The following DTNB variants were observed in gnomAD, a reference collection of about 807,000 sequenced individuals.
The protein encoded by DTNB is DTN-B.
Under a neutral mutation model 90.7 loss-of-function variants are expected in DTNB, and 63 were observed. That is an observed-to-expected ratio of 0.69 (90% confidence interval 0.57 to 0.86). DTNB has a LOEUF of 0.86. Ranked by LOEUF, DTNB falls within the 40% of genes least tolerant of loss-of-function variation. The pLI is 0.00. For synonymous variants in DTNB, 277 were observed against 286.7 expected, an observed-to-expected ratio of 0.97 and a Z score of 0.34; for missense variants, 744 against 807.1, an observed-to-expected ratio of 0.92 and a Z score of 0.95.
chr2:25,511,680 T>C (rs1394239198), intron 9 of DTNB, among the ~76,000 whole-genome samples: 1 of 152,172 alleles, frequency 6.6e-6, no homozygotes, highest in Non-Finnish European at 1.5e-5. Flanking sequence ...TCATACAGTA[T>C]CAGTTTTAGA....
At chr2:25,635,488 T>G (rs867382353) in intron 3 of DTNB, among the ~76,000 whole-genome samples, 23 of 152,264 alleles carry the variant, frequency 1.5e-4, no homozygotes, top group Admixed American at 3.9e-4. Context: ...GCAACATCTC[T>G]ACAAAGAAAT....
At chr2:25,382,193 C>T (rs13420219) in intron 19 of DTNB, among the ~76,000 whole-genome samples, 2,512 of 152,334 alleles carry the variant, frequency 0.016, 72 homozygotes, top group African/African-American at 0.058. Context: ...CTACCTTCAC[C>T]TCCTTGGGGT....
chr2:25,420,938 A>G (rs906310685), intron 15 of DTNB, among the ~76,000 whole-genome samples: 4 of 152,168 alleles, frequency 2.6e-5, no homozygotes, highest in African/African-American at 4.8e-5. Flanking sequence ...TTTGCTACTC[A>G]TCTACTCTGT....
chr2:25,494,908 GAA>G (rs755779063), intron 9 of DTNB, among the ~76,000 whole-genome samples: 2 of 134,534 alleles, frequency 1.5e-5, no homozygotes, highest in Non-Finnish European at 1.6e-5. Context: ...ACTGTTGCCA[GAA>G]AAAAAAAAAA....
intron 8 of DTNB, among the ~76,000 whole-genome samples, chr2:25,532,032 A>C (rs2078306641): frequency 6.6e-6 from 1 of 152,178 alleles, no homozygotes. Context: ...GGATCACCTG[A>C]GGTTGGGAGT....
At chr2:25,478,956 A>G (rs575298317) in intron 10 of DTNB, among the ~76,000 whole-genome samples, 62 of 152,350 alleles carry the variant, frequency 4.1e-4, no homozygotes, top group African/African-American at 1.4e-3. Context: ...AGCTCGGAGA[A>G]GGAGGGCCGC....
intron 16 of DTNB, among the ~76,000 whole-genome samples, chr2:25,397,959 TAAAC>T (rs1308758122): frequency 6.6e-6 from 1 of 151,222 alleles, no homozygotes; most frequent in East Asian, 2.0e-4. Flanking sequence ...CAGCCAGCAT[TAAAC>T]ATATGGCGAG....
At chr2:25,624,657 G>C (rs1410240460) in intron 4 of DTNB, among the ~76,000 whole-genome samples, 1 of 152,188 alleles carries the variant, frequency 6.6e-6, no homozygotes, top group Non-Finnish European at 1.5e-5. Context: ...GTTGGAAATA[G>C]AAAGGGGATT....
At chr2:25,508,608 C>T (rs761104405) in intron 9 of DTNB, among the ~76,000 whole-genome samples, 38 of 149,092 alleles carry the variant, frequency 2.5e-4, no homozygotes, top group Non-Finnish European at 2.4e-4. Context: ...GATCTTGGCT[C>T]ACCACAACCT....
chr2:25,513,671 C>T (rs2074403905), intron 9 of DTNB, among the ~76,000 whole-genome samples: 1 of 150,116 alleles, frequency 6.7e-6, no homozygotes, highest in African/African-American at 2.5e-5. Flanking sequence ...TGCAGTAACC[C>T]GAGATCACAC....
At chr2:25,419,943 G>A (rs538225207) in intron 15 of DTNB, among the ~76,000 whole-genome samples, 2 of 152,292 alleles carry the variant, frequency 1.3e-5, no homozygotes, top group Non-Finnish European at 2.9e-5. Flanking sequence ...ATATTCACAT[G>A]TGTTTAGGTA....
At chr2:25,423,495 T>C (rs75824823) in intron 15 of DTNB, among the ~76,000 whole-genome samples, 6 of 152,310 alleles carry the variant, frequency 3.9e-5, no homozygotes, top group African/African-American at 1.4e-4. Flanking sequence ...GAAAGAACTC[T>C]CTGTGGCATG....
chr2:25,549,821 C>T (rs1050876400), intron 8 of DTNB, among the ~76,000 whole-genome samples: 1 of 151,984 alleles, frequency 6.6e-6, no homozygotes, highest in Non-Finnish European at 1.5e-5. Context: ...CAACCACACC[C>T]GGCTAATTTT....
intron 12 of DTNB, among the ~76,000 whole-genome samples, chr2:25,443,472 G>A (rs757723354): frequency 4.6e-5 from 7 of 152,204 alleles, no homozygotes; most frequent in Non-Finnish European, 7.3e-5. Context: ...GTCAGCAAAC[G>A]GTAATCCAGT....
At chr2:25,456,558 G>A (rs1281794317) in intron 10 of DTNB, among the ~76,000 whole-genome samples, 2 of 151,832 alleles carry the variant, frequency 1.3e-5, no homozygotes, top group Non-Finnish European at 2.9e-5. Context: ...TACATTTCTG[G>A]GTTTTTTTTT....
chr2:25,398,941 A>G (rs188950388), intron 16 of DTNB, among the ~76,000 whole-genome samples: 1 of 152,356 alleles, frequency 6.6e-6, no homozygotes, highest in East Asian at 1.9e-4. Flanking sequence ...ATGACAATGA[A>G]GTGCATCACA....
chr2:25,662,681 A>AACACAC (rs35136841), intron 1 of DTNB, among the ~76,000 whole-genome samples: 1,554 of 104,510 alleles, frequency 0.015, 14 homozygotes, highest in Non-Finnish European at 0.023. Context: ...CACACACACA[A>AACACAC]ACACACACAC....
intron 8 of DTNB, among the ~76,000 whole-genome samples, chr2:25,574,148 C>T (rs962632183): frequency 2.0e-5 from 3 of 152,164 alleles, no homozygotes; most frequent in African/African-American, 7.2e-5. Flanking sequence ...AGACATGTGC[C>T]AACAAGAATA....
chr2:25,593,191 G>C (rs747209524), intron 6 of DTNB, among the ~76,000 whole-genome samples: 4 of 152,170 alleles, frequency 2.6e-5, no homozygotes, highest in Non-Finnish European at 5.9e-5. Flanking sequence ...TCTTAAAATA[G>C]TCATACTTTC....
Sources: gnomAD v4.1 joint callset for allele counts (sites outside exome capture counted in the v4.1 genomes callset) on GRCh38, gnomAD v4.1.1 for gene constraint, MANE v1.5 for transcripts, NCBI Gene and HGNC (gene_info 2026-07-23, HGNC 2026-07-21) for gene names.